Variants in MTF1 observed in about 807,000 individuals in gnomAD.
MTF1 encodes metal regulatory transcription factor 1, also known as MRE-binding transcription factor.
A neutral mutation model predicts 70.4 loss-of-function variants in MTF1; 22 were observed. The ratio of observed to expected loss-of-function variants is 0.31; its 90% CI spans 0.22 to 0.45. MTF1 has a LOEUF of 0.45. Ranked by LOEUF, MTF1 falls within the 20% of genes least tolerant of loss-of-function variation. The pLI is 1.00. For missense variants in MTF1, 649 were observed against 922.0 expected (o/e 0.70, Z 3.83); for synonymous variants, 333 against 352.8 (o/e 0.94, Z 0.63).
chr1:37,836,300 A>G (rs1015262859), intron 4 of MTF1, among the ~76,000 whole-genome samples: 2 of 152,136 alleles, frequency 1.3e-5, no homozygotes, highest in African/African-American at 4.8e-5. Context: ...CCTGACAACA[A>G]AAGTCTTTTG....
intron 9 of MTF1, among the ~76,000 whole-genome samples, chr1:37,820,772 A>G (rs1483823107): frequency 6.6e-6 from 1 of 152,242 alleles, no homozygotes; most frequent in East Asian, 1.9e-4. Context: ...TGGACTTTAG[A>G]TAACAATAAT....
intron 4 of MTF1, 48 bp downstream of exon 4, chr1:37,838,577 C>T (rs774582541): frequency 6.5e-7 from 1 of 1,549,296 alleles, no homozygotes; most frequent in African/African-American, 1.4e-5. Context: ...ATATCAAGAC[C>T]CCCAGCTGAA....
intron 2 of MTF1, among the ~76,000 whole-genome samples, chr1:37,855,303 G>A (rs1349809803): frequency 6.6e-6 from 1 of 152,136 alleles, no homozygotes; most frequent in African/African-American, 2.4e-5. Context: ...GGCAGGTTTT[G>A]GTTCTATACA....
rs1227480227 is a variant in MTF1, at chr1:37,859,578, A to C, written c.-99T>G. On this transcript the variant is annotated 5_prime_UTR_variant, in exon 1 of 11. Transcript: ENST00000373036. ...GGCAGCAGCAGCTTCTCCCCTCCCCAGCGGCACCATGATTGCCCCCACCTT... is the reference window on the plus strand; with the variant it reads ...GGCAGCAGCAGCTTCTCCCCTCCCCCGCGGCACCATGATTGCCCCCACCTT... The C allele has an allele frequency of 5.0e-6, 2 of 398,800 alleles. No homozygotes were observed. 24.7% of individuals were successfully genotyped at this position (398,800 alleles called of 1,614,324 possible).
At chr1:37,854,962 G>C (rs1364320264) in intron 2 of MTF1, among the ~76,000 whole-genome samples, 1 of 152,208 alleles carries the variant, frequency 6.6e-6, no homozygotes, top group Non-Finnish European at 1.5e-5. Context: ...GGGAGGCTGA[G>C]GCAGGAGAAT....
intron 9 of MTF1, among the ~76,000 whole-genome samples, chr1:37,819,397 C>T (rs769389933): frequency 2.0e-5 from 3 of 151,980 alleles, no homozygotes; most frequent in Non-Finnish European, 2.9e-5. Context: ...CCAAAGCGGG[C>T]GGATCACCTG....
chr1:37,815,458 G>T lies in MTF1; in HGVS notation c.1940C>A (p.Ser647Tyr). ...GGAGGAGCAGCCCTTTCTCCTGCTG[G>T]ATGCCCGCTCCTTTGCAGAGTCCCG... ...ACRDSAKERA[S>Y]SRRKGCSSPP... The change falls in exon 11 of 11, where the codon TCC (serine) becomes TAC (tyrosine). Residue 647 changes from serine to tyrosine, a missense_variant. This residue lies in a region of MTF1 where 138 missense variants were observed against 134.4 expected (regional missense o/e 1.03). Transcript: ENST00000373036. The surrounding 1 kb of genome is among the most constrained non-coding windows in gnomAD (Gnocchi z 4.5). The T allele has an allele frequency of 6.2e-7, 1 of 1,607,052 alleles. No individual in the cohort carries two copies. The highest frequency in any genetic ancestry group is 8.5e-7 in the Non-Finnish European group (1 of 1,176,336).
At chr1:37,835,503 G>A (rs1641154515) in intron 5 of MTF1, among the ~76,000 whole-genome samples, 168 bp downstream of exon 5, 1 of 152,044 alleles carries the variant, frequency 6.6e-6, no homozygotes, top group African/African-American at 2.4e-5. Context: ...TTGAATACCT[G>A]AGGTCCGCCT....
intron 2 of MTF1, among the ~76,000 whole-genome samples, chr1:37,854,580 A>G: frequency 6.6e-6 from 1 of 152,226 alleles, no homozygotes; most frequent in East Asian, 1.9e-4. Flanking sequence ...CTGAGGGCAA[A>G]GCTGCCCGCA....
chr1:37,817,272 C>A, intron 10 of MTF1, 147 bp downstream of exon 10: 1 of 683,714 alleles, frequency 1.5e-6, no homozygotes. Flanking sequence ...ATATGAAATA[C>A]TCTAGCCAAC....
At chr1:37,859,295 GA>G (rs1456491719) in intron 1 of MTF1, among the ~76,000 whole-genome samples, 1 of 152,182 alleles carries the variant, frequency 6.6e-6, no homozygotes, top group African/African-American at 2.4e-5. Flanking sequence ...GGGCTACACA[GA>G]AAAATCCGAA....
rs1294584909 is a variant in MTF1, at chr1:37,832,325, G to A, written c.991-3C>T. The A allele has an allele frequency of 6.2e-7, 1 of 1,603,846 alleles. No homozygotes were observed. The highest frequency in any genetic ancestry group is 1.3e-5 in the African/African-American group (1 of 74,738). On this transcript the variant is annotated splice_polypyrimidine_tract_variant and splice_region_variant and intron_variant, in intron 6 of 10. Coordinates refer to ENST00000373036, the MANE Select transcript of MTF1 (RefSeq NM_005955.3). Reference sequence around the variant, plus strand: ...AGACAAAGTGAGTGATTTGTATCCTGTGAAAGAGAAAAAATTCTAATTGAG... The same window carrying A: ...AGACAAAGTGAGTGATTTGTATCCTATGAAAGAGAAAAAATTCTAATTGAG...
At chr1:37,823,415 C>G (rs1355212492) in intron 8 of MTF1, among the ~76,000 whole-genome samples, 1 of 149,664 alleles carries the variant, frequency 6.7e-6, no homozygotes, top group African/African-American at 2.5e-5. Context: ...GCACTCCCAT[C>G]TGGGTGACAA....
intron 2 of MTF1, among the ~76,000 whole-genome samples, chr1:37,849,362 G>A (rs1641379892): frequency 6.6e-6 from 1 of 151,962 alleles, no homozygotes; most frequent in Non-Finnish European, 1.5e-5. Flanking sequence ...GGAGGCGGAG[G>A]TTGCAGTGAG....
rs1478150887 is a variant in MTF1, at chr1:37,822,112, A to G, written c.1767+9T>C. Reference sequence around the variant, plus strand: ...CACCCCACTGGGTATATTCATACATAATACTTACAATTTGTTCTTGGTTTT... The same window carrying G: ...CACCCCACTGGGTATATTCATACATGATACTTACAATTTGTTCTTGGTTTT... On this transcript the variant is annotated intron_variant, in intron 9 of 10. Coordinates refer to ENST00000373036, the MANE Select transcript of MTF1 (RefSeq NM_005955.3). 6.3e-7 allele frequency: 1 copy of G among 1,576,690 alleles called. No individual in the cohort carries two copies. Among genetic ancestry groups the G allele is most frequent in the East Asian group, 2.2e-5 (1 of 44,530 alleles).
chr1:37,842,053 A>G (rs558768535), intron 2 of MTF1, among the ~76,000 whole-genome samples: 8 of 151,588 alleles, frequency 5.3e-5, no homozygotes, highest in East Asian at 1.9e-4. Flanking sequence ...AAAAAGGGGG[A>G]AAAAAAACTA....
chr1:37,857,147 C>G (rs1641510124), intron 2 of MTF1, 104 bp downstream of exon 2: 4 of 1,159,492 alleles, frequency 3.4e-6, no homozygotes, highest in Non-Finnish European at 4.9e-6. Context: ...TACTTAAGTC[C>G]TAACCCCATG....
intron 7 of MTF1, among the ~76,000 whole-genome samples, chr1:37,829,436 G>A (rs1641051033): frequency 6.6e-6 from 1 of 151,376 alleles, no homozygotes; most frequent in Non-Finnish European, 1.5e-5. Flanking sequence ...AAAGTGCTGG[G>A]ATTACAGGCA....
At position 37,844,070 on chromosome 1, in the gene MTF1, G is replaced by T. The variant is rs111392706; in HGVS notation, c.409-3912C>A. Among the ~76,000 whole-genome samples, 455 of 152,300 alleles carry T rather than the reference G, an allele frequency of 3.0e-3. 3 individuals carry two copies. Among genetic ancestry groups the T allele is most frequent in the African/African-American group, 0.011 (437 of 41,556 alleles). ...GGACCTAGTTTTGCAGTCATTTGTTGCCAGATTAAGTCTAAAACAGTTTTC... is the reference window on the plus strand; with the variant it reads ...GGACCTAGTTTTGCAGTCATTTGTTTCCAGATTAAGTCTAAAACAGTTTTC... On this transcript the variant is annotated intron_variant, in intron 2 of 10. Coordinates refer to ENST00000373036, the MANE Select transcript of MTF1 (RefSeq NM_005955.3).
Sources: gnomAD v4.1 joint callset for allele counts (sites outside exome capture counted in the v4.1 genomes callset) on GRCh38, gnomAD v4.1.1 for gene constraint, gnomAD v4.1.1 regional missense constraint, Gnocchi (gnomAD v3.1) non-coding constraint, MANE v1.5 for transcripts, NCBI Gene and HGNC (gene_info 2026-07-23, HGNC 2026-07-21) for gene names.